Variants in NR4A2 observed in about 807,000 individuals in gnomAD.
The protein encoded by NR4A2 is nuclear receptor subfamily 4 group A member 2, also known as NGFI-B/nur77 beta-type transcription factor homolog.
A neutral mutation model predicts 50.5 loss-of-function variants in NR4A2; 1 was observed. The ratio of observed to expected loss-of-function variants is 0.02; its 90% CI spans 0.01 to 0.09. NR4A2 has a LOEUF of 0.09. NR4A2 is among the 10% of genes least tolerant of loss of function. The probability of loss-of-function intolerance (pLI) is 1.00; values close to 1 mark genes in which losing one functional copy is unlikely to be tolerated. For synonymous variants in NR4A2, 328 were observed against 309.4 expected (o/e 1.06, Z -0.63); for missense variants, 613 against 777.3 (o/e 0.79, Z 2.51).
intron 1 of NR4A2, 94 bp downstream of exon 1, chr2:156,332,386 C>G: frequency 1.8e-6 from 2 of 1,109,014 alleles, no homozygotes; most frequent in Non-Finnish European, 2.4e-6. Context: ...CTCCCACTTC[C>G]AGAGAACCTG....
At position 156,327,545 on chromosome 2, in the gene NR4A2, A is replaced by G. The variant is rs538550272; in HGVS notation, c.1158+306T>C. 5.2e-4 allele frequency among the ~76,000 whole-genome samples: 79 copies of G among 151,790 alleles called. No homozygotes were observed. In the South Asian group the frequency reaches 0.016, roughly 32 times the overall value. ...TTGCACAGCCCCTGGATTTCATGGT[A>G]GAGGCACTGGTGTATATGGAAGAGG... is the stretch of plus-strand genomic sequence containing the variant. On this transcript the variant is annotated intron_variant, in intron 5 of 7. Transcript: ENST00000339562.
At position 156,325,650 on chromosome 2, in the gene NR4A2, A is replaced by T; in HGVS notation, c.*94T>A. 1 of 1,491,222 alleles carries T rather than the reference A, an allele frequency of 6.7e-7. No individual in the cohort carries two copies. The highest frequency in any genetic ancestry group is 9.3e-7 in the Non-Finnish European group (1 of 1,070,326). The allele number at this position is 1,491,222 out of a possible 1,614,324, so 92.4% of individuals were successfully genotyped here. A position where few individuals can be genotyped will look rare whatever the true frequency, so the allele number is the denominator to read the frequency against. The stretch of plus-strand genomic sequence containing the variant: ...GAAATGGGGGGCAGCTTGAGCTGAG[A>T]CTGCTCACACGGCTATCTCTGCCCA... On this transcript the variant is annotated 3_prime_UTR_variant, in exon 8 of 8. Transcript: ENST00000339562.
At chr2:156,330,627 G>A in intron 2 of NR4A2, 41 bp downstream of exon 2, 1 of 1,337,086 alleles carries the variant, frequency 7.5e-7, no homozygotes, top group South Asian at 2.3e-5. Context: ...GATGTTTGGG[G>A]AGCTCTGGAG....
chr2:156,329,489 G>T lies in NR4A2; in HGVS notation c.698C>A (p.Pro233Gln), dbSNP rs1274078109. 5 of 1,605,708 alleles carry T rather than the reference G, an allele frequency of 3.1e-6. No individual in the cohort carries two copies. The highest frequency in any genetic ancestry group is 4.2e-6 in the Non-Finnish European group (5 of 1,177,150). The change falls in exon 3 of 8, where the codon CCG (proline) becomes CAG (glutamine). Residue 233 changes from proline to glutamine, a missense_variant. Coordinates refer to ENST00000339562, the MANE Select transcript of NR4A2 (RefSeq NM_006186.4). The surrounding 1 kb of genome is among the most constrained non-coding windows in gnomAD (Gnocchi z 7.5). ...AGACGCGTGGCCGATCTGCAGGCCC[G>T]GGAAGCCCATGGACGCGGGCTTGCG... ...PIRKPASMGF[P>Q]GLQIGHASQL...
Position 156,332,621 on chromosome 2 carries a change from G to A in NR4A2, c.-268C>T, listed in dbSNP as rs1686984867. 5.8e-5 allele frequency: 38 copies of A among 654,408 alleles called. No homozygotes were observed. Among genetic ancestry groups the A allele is most frequent in the South Asian group, 5.6e-4 (38 of 68,288 alleles). The allele number at this position is 654,408 out of a possible 1,614,324, so 40.5% of individuals were successfully genotyped here. A position where few individuals can be genotyped will look rare whatever the true frequency, so the allele number is the denominator to read the frequency against. ...ACACCTCACGGAGGGAGGGAGCAGGGACAGGCGGCCGGCTGGACAGGCAAA... is the reference window on the plus strand; with the variant it reads ...ACACCTCACGGAGGGAGGGAGCAGGAACAGGCGGCCGGCTGGACAGGCAAA... On this transcript the variant is annotated 5_prime_UTR_variant, in exon 1 of 8. Coordinates refer to ENST00000339562, the MANE Select transcript of NR4A2 (RefSeq NM_006186.4).
Position 156,325,353 on chromosome 2 carries a change from T to C in NR4A2, c.*391A>G. The C allele has an allele frequency of 3.1e-6, 1 of 321,468 alleles. No homozygotes were observed. The highest frequency in any genetic ancestry group is 2.7e-5 in the South Asian group (1 of 36,860). 19.9% of individuals were successfully genotyped at this position (321,468 alleles called of 1,614,324 possible). A position where few individuals can be genotyped will look rare whatever the true frequency, so the allele number is the denominator to read the frequency against. On this transcript the variant is annotated 3_prime_UTR_variant, in exon 8 of 8. Transcript: ENST00000339562. ...GTGTGTGTGTGTGTGTGTATGTGTG[T>C]GTGTGTTACATTTGTCTGAACTGCA...
rs751347497 is a variant in NR4A2, at chr2:156,326,134, C to T, written c.1540+16G>A. On this transcript the variant is annotated intron_variant, in intron 7 of 7. Coordinates refer to ENST00000339562, the MANE Select transcript of NR4A2 (RefSeq NM_006186.4). This position sits in a 1 kb window ranked among gnomAD's most constrained non-coding sequence, Gnocchi z 4.2. The stretch of plus-strand genomic sequence containing the variant: ...GCAGTTCTGGAGGGGAAGCGCCCTG[C>T]GCCTGCAGTACTGACCTGTGACCAT... 28 of 1,613,954 alleles carry T rather than the reference C, an allele frequency of 1.7e-5. No homozygotes were observed. The highest frequency in any genetic ancestry group is 6.7e-5 in the East Asian group (3 of 44,896).
In NR4A2 at chr2:156,325,762, C is replaced by T. The variant is rs141522485; in HGVS notation, c.1779G>A (p.Leu593=). Residue 593 remains leucine (L), a synonymous_variant, in exon 8 of 8, where the codon CTG becomes CTA. Coordinates refer to ENST00000339562, the MANE Select transcript of NR4A2 (RefSeq NM_006186.4). ...GGAGGTCTTAGAAAGGTAAAGTGTC[C>T]AGGAAAAGTTTGTCAATTATTGCTG... ...PPPAIIDKLF[L]DTLPF The T allele has an allele frequency of 6.2e-7, 1 of 1,613,910 alleles. No individual in the cohort carries two copies. The highest frequency in any genetic ancestry group is 1.3e-5 in the African/African-American group (1 of 74,848).
chr2:156,329,269 G>T lies in NR4A2; in HGVS notation c.864+54C>A. On this transcript the variant is annotated intron_variant, in intron 3 of 7. Transcript: ENST00000339562. This position sits in a 1 kb window ranked among gnomAD's most constrained non-coding sequence, Gnocchi z 7.5. ...ACCAAGGCAGAGGGCACACTCCGAG[G>T]TCCCGGGCACTAGGGGCTCCCTACC... is the stretch of plus-strand genomic sequence containing the variant. The T allele has an allele frequency of 6.3e-7, 1 of 1,577,492 alleles. No homozygotes were observed.
rs1416883890 is a variant in NR4A2 at position 156,328,094 on chromosome 2, C to T, written c.995-80G>A. 3.2e-6 allele frequency: 5 copies of T among 1,543,776 alleles called. No homozygotes were observed. In the Admixed American group the frequency reaches 7.7e-5, roughly 24 times the overall value. ...GCCTCGGTCCCTCCCCGGGGAAGGC[C>T]GCAGCCGCGGGGCACCAGGCTGAGC... On this transcript the variant is annotated intron_variant, in intron 4 of 7. Coordinates refer to ENST00000339562, the MANE Select transcript of NR4A2 (RefSeq NM_006186.4). This position sits in a 1 kb window ranked among gnomAD's most constrained non-coding sequence, Gnocchi z 4.9.
intron 5 of NR4A2, among the ~76,000 whole-genome samples, chr2:156,327,394 C>A (rs1308943814): frequency 6.6e-6 from 1 of 152,206 alleles, no homozygotes; most frequent in Non-Finnish European, 1.5e-5. Flanking sequence ...ACACCCTCTC[C>A]TTCCCTTCCC....
In NR4A2 at chr2:156,326,957, TCTAAAATATATAACCCGTGAAATTG is replaced by T. The variant is rs1310333304; in HGVS notation, c.1159-62_1159-38del. On this transcript the variant is annotated intron_variant, in intron 5 of 7. Transcript: ENST00000339562. The surrounding 1 kb of genome is among the most constrained non-coding windows in gnomAD (Gnocchi z 4.2). ...TTTTAAAAAGCACTTAATGAGGTTC[TCTAAAATATATAACCCGTGAAATTG>T]CTAACCCCGTTTCTAATAGGGGAGC... 1.9e-6 allele frequency: 3 copies of T among 1,598,544 alleles called. No homozygotes were observed. The highest frequency in any genetic ancestry group is 2.6e-6 in the Non-Finnish European group (3 of 1,166,882).
intron 2 of NR4A2, 119 bp from the exon 3 acceptor site, chr2:156,330,307 G>T: frequency 8.4e-7 from 1 of 1,195,720 alleles, no homozygotes. Flanking sequence ...ATGTAGGGGC[G>T]CGAGAGGAAA....
intron 1 of NR4A2, 132 bp from the exon 2 acceptor site, chr2:156,330,923 C>G: frequency 1.5e-6 from 1 of 663,904 alleles, no homozygotes; most frequent in Non-Finnish European, 2.1e-6. Flanking sequence ...GAAGCCTTTA[C>G]CAAACATAGC....
At chr2:156,327,529 C>T (rs1181870154) in intron 5 of NR4A2, among the ~76,000 whole-genome samples, 2 of 151,264 alleles carry the variant, frequency 1.3e-5, no homozygotes, top group Admixed American at 6.6e-5. Context: ...TTTGCACAGC[C>T]CCTGGATTTC....
Position 156,330,159 on chromosome 2 carries a change from A to T in NR4A2, c.28T>A (p.Ser10Thr). 1.2e-6 allele frequency: 2 copies of T among 1,614,098 alleles called. No individual in the cohort carries two copies. Among genetic ancestry groups the T allele is most frequent in the Non-Finnish European group, 1.7e-6 (2 of 1,180,020 alleles). The change falls in exon 3 of 8, where the codon TCC (serine) becomes ACC (threonine). Residue 10 changes from serine to threonine, a missense_variant. Coordinates refer to ENST00000339562, the MANE Select transcript of NR4A2 (RefSeq NM_006186.4). MPCVQAQYG[S>T]SPQGASPASQ... ...GCGGGGCTGGCTCCTTGAGGCGAGGACCCATACTGCGCCTGAACACAAGGC... is the reference window on the plus strand; with the variant it reads ...GCGGGGCTGGCTCCTTGAGGCGAGGTCCCATACTGCGCCTGAACACAAGGC...
At position 156,325,678 on chromosome 2, in the gene NR4A2, T is replaced by C; in HGVS notation, c.*66A>G. The C allele has an allele frequency of 6.2e-7, 1 of 1,602,036 alleles. No individual in the cohort carries two copies. The highest frequency in any genetic ancestry group is 1.3e-5 in the African/African-American group (1 of 74,818). ...GCTCACACGGCTATCTCTGCCCATG[T>C]GACTTGCCCCCTCTTGACAGTTTCC... On this transcript the variant is annotated 3_prime_UTR_variant, in exon 8 of 8. Transcript: ENST00000339562.
chr2:156,330,593 A>T (rs1686881797), intron 2 of NR4A2, 75 bp downstream of exon 2: 2 of 1,392,258 alleles, frequency 1.4e-6, no homozygotes, highest in African/African-American at 2.9e-5. Flanking sequence ...CTTAAGTTAC[A>T]GGGTTTGCCT....
rs1282977828 is a variant in NR4A2, at chr2:156,324,755, T to C, written c.*989A>G. On this transcript the variant is annotated 3_prime_UTR_variant, in exon 8 of 8. Coordinates refer to ENST00000339562, the MANE Select transcript of NR4A2 (RefSeq NM_006186.4). ...CAAAAGCTGCTGCATGCAAGTTTTG[T>C]TTAGCTTTAGACAACAAAATAATCA... 1 of 152,658 alleles carries C rather than the reference T, an allele frequency of 6.6e-6. No homozygotes were observed. The highest frequency in any genetic ancestry group is 1.5e-5 in the Non-Finnish European group (1 of 68,036). 9.5% of individuals were successfully genotyped at this position (152,658 alleles called of 1,614,324 possible).
Sources: gnomAD v4.1 joint callset for allele counts (sites outside exome capture counted in the v4.1 genomes callset) on GRCh38, gnomAD v4.1.1 for gene constraint, Gnocchi (gnomAD v3.1) non-coding constraint, MANE v1.5 for transcripts, NCBI Gene and HGNC (gene_info 2026-07-23, HGNC 2026-07-21) for gene names.